Variants in MRRF observed in about 807,000 individuals in gnomAD.
MRRF encodes the protein mitochondrial ribosome recycling factor.
In MRRF, 18 loss-of-function variants were observed where a neutral mutation model predicts 25.1. The ratio of observed to expected loss-of-function variants is 0.72; its 90% CI spans 0.50 to 1.06. The LOEUF (loss-of-function observed/expected upper bound fraction) is 1.06. MRRF is among the 50% of genes least tolerant of loss of function. MRRF has a pLI of 0.00. For synonymous variants in MRRF, 113 were observed against 112.1 expected, an observed-to-expected ratio of 1.01 and a Z score of -0.05; for missense variants, 323 against 319.3, an observed-to-expected ratio of 1.01 and a Z score of -0.09.
At position 122,329,392 on chromosome 9, in the gene MRRF, C is replaced by A. The variant is rs1488081283; in HGVS notation, c.*6775C>A. Reference sequence around the variant, plus strand: ...CTTCTTGGTCCCATGTTCTTCCTTACACTAACTCATTCATTCATTATCCAT... The same window carrying A: ...CTTCTTGGTCCCATGTTCTTCCTTAAACTAACTCATTCATTCATTATCCAT... On this transcript the variant is annotated 3_prime_UTR_variant, in exon 7 of 7. Transcript: ENST00000344641. 6.6e-6 allele frequency: 1 copy of A among 152,308 alleles called. No individual in the cohort carries two copies. The highest frequency in any genetic ancestry group is 2.4e-5 in the African/African-American group (1 of 41,462). The allele number at this position is 152,308 out of a possible 1,614,324, so 9.4% of individuals were successfully genotyped here.
chr9:122,288,890 T>A (rs1379427970), intron 4 of MRRF, among the ~76,000 whole-genome samples: 1 of 152,224 alleles, frequency 6.6e-6, no homozygotes, highest in Non-Finnish European at 1.5e-5. Flanking sequence ...GTGATTTTTC[T>A]CAACACTCTA....
At chr9:122,273,328 G>A (rs1489250555) in intron 2 of MRRF, among the ~76,000 whole-genome samples, 1 of 151,784 alleles carries the variant, frequency 6.6e-6, no homozygotes, top group Non-Finnish European at 1.5e-5. Context: ...TGTGGTCCCA[G>A]CTACTTGGGA....
intron 5 of MRRF, among the ~76,000 whole-genome samples, chr9:122,307,958 T>C (rs1377157982): frequency 6.6e-6 from 1 of 152,188 alleles, no homozygotes. Context: ...ATTGAAACAA[T>C]AGGAAGTATC....
At chr9:122,319,794 A>G (rs754276399) in intron 6 of MRRF, among the ~76,000 whole-genome samples, 4 of 152,190 alleles carry the variant, frequency 2.6e-5, no homozygotes, top group Non-Finnish European at 5.9e-5. Context: ...AAAGGTGGAA[A>G]AGATGAACTT....
intron 4 of MRRF, chr9:122,286,158 T>C (rs951350144): frequency 3.9e-6 from 5 of 1,280,578 alleles, no homozygotes; most frequent in Admixed American, 4.6e-5. Flanking sequence ...CCTCATCTGC[T>C]AATATAAGGT....
intron 6 of MRRF, among the ~76,000 whole-genome samples, chr9:122,317,047 T>A (rs914840530): frequency 1.3e-5 from 2 of 150,268 alleles, no homozygotes; most frequent in African/African-American, 4.9e-5. Flanking sequence ...TTGAAACTTC[T>A]TTGTTATAAG....
At chr9:122,265,584 A>G (rs1832015421) in intron 1 of MRRF, 1 of 385,642 alleles carries the variant, frequency 2.6e-6, no homozygotes, top group Non-Finnish European at 5.0e-6. Flanking sequence ...ACACTGTTGC[A>G]TTTCCCCCCA....
chr9:122,315,424 C>G (rs192222097), intron 6 of MRRF, among the ~76,000 whole-genome samples: 5 of 152,318 alleles, frequency 3.3e-5, no homozygotes, highest in Admixed American at 2.0e-4. Context: ...ACTTGATGTC[C>G]TATGACCTTG....
intron 2 of MRRF, among the ~76,000 whole-genome samples, chr9:122,274,533 G>GGGGT (rs1554817591): frequency 7.1e-6 from 1 of 140,562 alleles, no homozygotes; most frequent in African/African-American, 2.7e-5. Context: ...ATATGAATCT[G>GGGGT]GTGTGTGTGT....
intron 5 of MRRF, among the ~76,000 whole-genome samples, chr9:122,304,968 G>A (rs1834743767): frequency 6.6e-6 from 1 of 151,744 alleles, no homozygotes. Flanking sequence ...TTCCAGACAG[G>A]GTCTTGCTTT....
intron 4 of MRRF, chr9:122,285,661 G>T (rs1833348889): frequency 6.3e-6 from 5 of 792,164 alleles, no homozygotes; most frequent in Non-Finnish European, 7.1e-6. Context: ...ATGTAGGCCT[G>T]GTAATCAGTG....
At position 122,313,230 on chromosome 9, in the gene MRRF, A is replaced by G. The variant is rs1835308313; in HGVS notation, c.555A>G (p.Val185=). ...AATGTCTTTTGTCTTTTATCAGAGT[A>G]ACCAGAGAGCACAGAGAAATGCTGG... ...GTLIRVPIPQ[V]TREHREMLVK... is the part of the protein sequence containing the mutation. The change falls in exon 6 of 7, where the codon GTA becomes GTG. Residue 185 remains valine, a synonymous_variant. Coordinates refer to ENST00000344641, the MANE Select transcript of MRRF (RefSeq NM_138777.5). The G allele has an allele frequency of 6.2e-7, 1 of 1,613,868 alleles. No homozygotes were observed. Among genetic ancestry groups the G allele is most frequent in the African/African-American group, 1.3e-5 (1 of 74,926 alleles).
chr9:122,278,296 T>G (rs1235907296), intron 2 of MRRF, among the ~76,000 whole-genome samples: 1 of 152,198 alleles, frequency 6.6e-6, no homozygotes, highest in Non-Finnish European at 1.5e-5. Context: ...CTGAAATCAC[T>G]TACAGCACCC....
At chr9:122,313,543 G>A (rs1340824460) in intron 6 of MRRF, among the ~76,000 whole-genome samples, 157 bp downstream of exon 6, 1 of 152,168 alleles carries the variant, frequency 6.6e-6, no homozygotes, top group Admixed American at 6.5e-5. Context: ...CCTAATGCCA[G>A]ATTCAGAGGG....
chr9:122,270,872 T>G lies in MRRF; in HGVS notation c.-20T>G. ...TGTCTTATTCTTTTTAGTGGATGTT[T>G]CCAAGGATTGTCTTCAGTCATGGCC... On this transcript the variant is annotated 5_prime_UTR_variant, in exon 2 of 7. Transcript: ENST00000344641. The G allele has an allele frequency of 6.2e-7, 1 of 1,613,286 alleles. No homozygotes were observed. The highest frequency in any genetic ancestry group is 8.5e-7 in the Non-Finnish European group (1 of 1,179,178).
At chr9:122,318,245 C>T (rs1276912333) in intron 6 of MRRF, among the ~76,000 whole-genome samples, 2 of 152,154 alleles carry the variant, frequency 1.3e-5, no homozygotes, top group East Asian at 1.9e-4. Flanking sequence ...CTTCCCAACC[C>T]GCATTCCAGG....
chr9:122,305,142 C>T (rs1001456981), intron 5 of MRRF, among the ~76,000 whole-genome samples: 2 of 152,100 alleles, frequency 1.3e-5, no homozygotes, highest in African/African-American at 4.8e-5. Context: ...TGGGCACTCT[C>T]TCTCACACTT....
chr9:122,276,821 G>A (rs1832802549), intron 2 of MRRF, among the ~76,000 whole-genome samples: 1 of 152,090 alleles, frequency 6.6e-6, no homozygotes, highest in Non-Finnish European at 1.5e-5. Context: ...GGTTATCAAG[G>A]AAGGTATATT....
Position 122,280,546 on chromosome 9 carries a change from AG to A in MRRF, c.289del (p.Glu97LysfsTer13). On this transcript the variant is annotated frameshift_variant, in exon 3 of 7. Transcript: ENST00000344641. LOFTEE classifies it high-confidence loss of function. The part of the protein sequence containing the change: ...EVNEEMKSVI[E>X]ALKDNFNKTL... Reference sequence around the variant, plus strand: ...TGAATGAAGAAATGAAGTCTGTGATAGAAGCTCTCAAGGATAATTTCAATAA... The same window carrying A: ...TGAATGAAGAAATGAAGTCTGTGATAAAGCTCTCAAGGATAATTTCAATAA... 1 of 1,614,048 alleles carries A rather than the reference AG, an allele frequency of 6.2e-7. No homozygotes were observed. Among genetic ancestry groups the A allele is most frequent in the Non-Finnish European group, 8.5e-7 (1 of 1,179,888 alleles).
Sources: allele counts gnomAD v4.1 joint callset (sites outside exome capture counted in the v4.1 genomes callset), GRCh38; gene constraint gnomAD v4.1.1; transcripts MANE v1.5; gene names NCBI Gene and HGNC (gene_info 2026-07-23, HGNC 2026-07-21).